EIF2AK2: variants seen among roughly 807,000 people sequenced by gnomAD.
EIF2AK2 encodes interferon-induced, double-stranded RNA-activated protein kinase.
A neutral mutation model predicts 70.5 loss-of-function variants in EIF2AK2; 40 were observed. That is an observed-to-expected ratio of 0.57 (90% CI 0.44 to 0.74). The LOEUF (loss-of-function observed/expected upper bound fraction) is 0.74, where lower values mean the gene tolerates loss of function less well. EIF2AK2 is among the 30% of genes least tolerant of loss of function. The pLI is 0.00. For missense variants in EIF2AK2, 555 were observed against 644.3 expected (o/e 0.86, Z 1.50); for synonymous variants, 198 against 220.9 (o/e 0.90, Z 0.92).
Position 37,101,752 on chromosome 2 carries a change from C to A in EIF2AK2, c.*5521G>T, listed in dbSNP as rs1362483831. The stretch of plus-strand genomic sequence containing the variant: ...GTAAAGGAGACACATCAACCAAATG[C>A]AATGTTGGATCTAGATTTCAACAAC... On this transcript the variant is annotated 3_prime_UTR_variant, in exon 17 of 17. Coordinates refer to ENST00000233057, the MANE Select transcript of EIF2AK2 (RefSeq NM_001135651.3). 2 of 152,070 alleles carry A rather than the reference C, an allele frequency of 1.3e-5. No individual in the cohort carries two copies. Among genetic ancestry groups the A allele is most frequent in the African/African-American group, 4.8e-5 (2 of 41,398 alleles). The allele number at this position is 152,070 out of a possible 1,614,324, so 9.4% of individuals were successfully genotyped here. A position where few individuals can be genotyped will look rare whatever the true frequency, so the allele number is the denominator to read the frequency against.
rs149581029 is a variant in EIF2AK2 at position 37,138,363 on chromosome 2, G to A, written c.594C>T (p.Leu198=). 1.8e-5 allele frequency: 29 copies of A among 1,612,656 alleles called. No homozygotes were observed. Among genetic ancestry groups the A allele is most frequent in the East Asian group, 1.8e-4 (8 of 44,830 alleles). The change falls in exon 8 of 17, where the codon CTC becomes CTT. Residue 198 remains leucine (L), a splice_region_variant and synonymous_variant. Transcript: ENST00000233057. ...SQSNSLVTST[L]ASESSSEGDF... The stretch of plus-strand genomic sequence containing the variant: ...CACCTTCAGATGATGATTCAGAAGC[G>A]CTAGAAGAAAAGGGTGTAACTATTA...
At chr2:37,113,585 T>C (rs1269208957) in intron 14 of EIF2AK2, among the ~76,000 whole-genome samples, 1 of 146,948 alleles carries the variant, frequency 6.8e-6, no homozygotes, top group Non-Finnish European at 1.5e-5. Flanking sequence ...AATTCTATAA[T>C]ATAGTTAACA....
chr2:37,134,100 A>T (rs1675041133), intron 10 of EIF2AK2, among the ~76,000 whole-genome samples: 1 of 152,096 alleles, frequency 6.6e-6, no homozygotes, highest in Non-Finnish European at 1.5e-5. Flanking sequence ...ACACCCCTTC[A>T]TGACCTTTTA....
intron 5 of EIF2AK2, among the ~76,000 whole-genome samples, chr2:37,140,514 G>A (rs1675291504): frequency 1.3e-5 from 2 of 151,952 alleles, no homozygotes; most frequent in Admixed American, 1.3e-4. Context: ...ATCCAAACAG[G>A]GTGAGTCTTC....
rs1188903467 is a variant in EIF2AK2 at position 37,106,340 on chromosome 2, TGTTTTCAATACTATATA to T, written c.*916_*932del. The T allele has an allele frequency of 1.3e-5, 2 of 152,240 alleles. No homozygotes were observed. The highest frequency in any genetic ancestry group is 2.9e-5 in the Non-Finnish European group (2 of 68,044). The allele number at this position is 152,240 out of a possible 1,614,324, so 9.4% of individuals were successfully genotyped here. ...TTATTACATTTAGCTGTACTTCAATTGTTTTCAATACTATATAGTACTCCTGTGTGTGAATATAATTT... is the reference window on the plus strand; with the variant it reads ...TTATTACATTTAGCTGTACTTCAATTGTACTCCTGTGTGTGAATATAATTT... On this transcript the variant is annotated 3_prime_UTR_variant, in exon 17 of 17. Coordinates refer to ENST00000233057, the MANE Select transcript of EIF2AK2 (RefSeq NM_001135651.3).
At chr2:37,119,927 A>G (rs957945467) in intron 13 of EIF2AK2, 32 bp downstream of exon 13, 7 of 1,147,202 alleles carry the variant, frequency 6.1e-6, no homozygotes, top group East Asian at 3.3e-5. Flanking sequence ...TATTATATAT[A>G]TATCAATTAA....
At chr2:37,122,985 G>T (rs907146543) in intron 11 of EIF2AK2, among the ~76,000 whole-genome samples, 14 of 152,032 alleles carry the variant, frequency 9.2e-5, no homozygotes, top group Non-Finnish European at 1.6e-4. Flanking sequence ...GACCAACATG[G>T]TGAAACCCCA....
chr2:37,129,942 T>C (rs781065431), intron 10 of EIF2AK2, among the ~76,000 whole-genome samples: 57 of 152,208 alleles, frequency 3.7e-4, no homozygotes, highest in Non-Finnish European at 7.9e-4. Flanking sequence ...GTAAATCCCA[T>C]AGTATGGAAC....
chr2:37,121,278 A>C (rs1388320524), intron 12 of EIF2AK2, among the ~76,000 whole-genome samples: 1 of 151,334 alleles, frequency 6.6e-6, no homozygotes, highest in Non-Finnish European at 1.5e-5. Context: ...AAAAAAAAAA[A>C]AAAAAAACGA....
intron 3 of EIF2AK2, among the ~76,000 whole-genome samples, 173 bp downstream of exon 3, chr2:37,147,507 CTGTGTCCA>C (rs1675595301): frequency 7.0e-6 from 1 of 141,996 alleles, no homozygotes. Context: ...GTTCCCCTTC[CTGTGTCCA>C]TGTGTTCTCA....
intron 14 of EIF2AK2, chr2:37,109,614 G>T: frequency 4.2e-6 from 1 of 238,286 alleles, no homozygotes; most frequent in East Asian, 1.0e-4. Context: ...TAGGCGGCTT[G>T]CATTGCAACT....
rs564207041 is a variant in EIF2AK2 at position 37,156,910 on chromosome 2, GCGCCGCCGC to G, written c.-195_-187del. 11,479 of 182,338 alleles carry G rather than the reference GCGCCGCCGC, an allele frequency of 0.063. 409 individuals carry two copies. Among genetic ancestry groups the G allele is most frequent in the Middle Eastern group, 0.079 (31 of 390 alleles). 11.3% of individuals were successfully genotyped at this position (182,338 alleles called of 1,614,324 possible). ...CGGCTGCCCCCTGCCCTGCTCACCT[GCGCCGCCGC>G]CGCCGCCGCCGCCGCCGCCGGCCGG... On this transcript the variant is annotated 5_prime_UTR_variant, in exon 1 of 17. Transcript: ENST00000233057.
chr2:37,135,664 C>G, intron 9 of EIF2AK2, 118 bp from the exon 10 acceptor site: 1 of 858,430 alleles, frequency 1.2e-6, no homozygotes, highest in Non-Finnish European at 1.8e-6. Flanking sequence ...GGTCTCACCC[C>G]ATCTCCCAGC....
Position 37,107,194 on chromosome 2 carries a change from C to A in EIF2AK2, c.*79G>T. 6.7e-7 allele frequency: 1 copy of A among 1,488,158 alleles called. No homozygotes were observed. Among genetic ancestry groups the A allele is most frequent in the Non-Finnish European group, 9.0e-7 (1 of 1,110,424 alleles). The allele number at this position is 1,488,158 out of a possible 1,614,324, so 92.2% of individuals were successfully genotyped here. A position where few individuals can be genotyped will look rare whatever the true frequency, so the allele number is the denominator to read the frequency against. Reference sequence around the variant, plus strand: ...AAACATTAAAATAAAAGGTAAATATCTATTGATATTCCCTAGCAGATTTTA... The same window carrying A: ...AAACATTAAAATAAAAGGTAAATATATATTGATATTCCCTAGCAGATTTTA... On this transcript the variant is annotated 3_prime_UTR_variant, in exon 17 of 17. Transcript: ENST00000233057.
chr2:37,133,952 C>T (rs1257414639), intron 10 of EIF2AK2, among the ~76,000 whole-genome samples: 1 of 152,180 alleles, frequency 6.6e-6, no homozygotes, highest in Non-Finnish European at 1.5e-5. Flanking sequence ...CTCACCGATA[C>T]AACCACTCCT....
chr2:37,147,039 T>C (rs1238620099), intron 3 of EIF2AK2, 66 bp from the exon 4 acceptor site: 7 of 1,451,158 alleles, frequency 4.8e-6, no homozygotes, highest in Non-Finnish European at 6.5e-6. Flanking sequence ...ACAAGTACTC[T>C]AGTCATCACT....
In EIF2AK2 at chr2:37,101,073, T is replaced by A. The variant is rs1673816742; in HGVS notation, c.*6200A>T. The A allele has an allele frequency of 6.6e-6, 1 of 152,256 alleles. No homozygotes were observed. Among genetic ancestry groups the A allele is most frequent in the Non-Finnish European group, 1.5e-5 (1 of 68,058 alleles). The allele number at this position is 152,256 out of a possible 1,614,324, so 9.4% of individuals were successfully genotyped here. On this transcript the variant is annotated 3_prime_UTR_variant, in exon 17 of 17. Transcript: ENST00000233057. ...CCAATTAGTTGCCAACTCCTCTTGG[T>A]TCTGTCCTCTTATTGTTCAGGCCCT...
intron 3 of EIF2AK2, 143 bp downstream of exon 3, chr2:37,147,545 G>A (rs1675596585): frequency 2.7e-6 from 1 of 366,738 alleles, no homozygotes; most frequent in African/African-American, 2.2e-5. Context: ...TCTCACCTAT[G>A]AGTGAGAACA....
At chr2:37,115,204 T>A (rs971519822) in intron 13 of EIF2AK2, 1 of 201,294 alleles carries the variant, frequency 5.0e-6, no homozygotes, top group Non-Finnish European at 9.7e-6. Context: ...CCCGCCACCA[T>A]GCCCGGCTAG....
Sources: gnomAD v4.1 joint callset for allele counts (sites outside exome capture counted in the v4.1 genomes callset) on GRCh38, gnomAD v4.1.1 for gene constraint, MANE v1.5 for transcripts, NCBI Gene and HGNC (gene_info 2026-07-23, HGNC 2026-07-21) for gene names.